TEX11: variants seen among roughly 807,000 people sequenced by gnomAD.
TEX11 encodes the protein testis-expressed protein 11.
TEX11 carries 7 observed loss-of-function variants against 84.4 expected under a neutral mutation model. That is an observed-to-expected ratio of 0.08 (90% CI 0.05 to 0.16). The LOEUF is 0.16. TEX11 is among the 10% of genes least tolerant of loss of function. The pLI is 1.00. For synonymous variants in TEX11, 264 were observed against 222.8 expected (o/e 1.18, Z -1.64); for missense variants, 551 against 660.5 (o/e 0.83, Z 1.82).
At chrX:70,866,919 C>T (rs1391992241) in intron 4 of TEX11, among the ~76,000 whole-genome samples, 2 of 112,040 alleles carry the variant, frequency 1.8e-5, no homozygotes, top group Non-Finnish European at 3.8e-5. Context: ...CAATATCATA[C>T]TGAATGGGCA....
intron 25 of TEX11, among the ~76,000 whole-genome samples, chrX:70,567,724 T>A (rs919704835): frequency 9.0e-6 from 1 of 111,570 alleles, no homozygotes; most frequent in Non-Finnish European, 1.9e-5. Context: ...TTTGAGTGAG[T>A]TTCTTAATCC....
intron 9 of TEX11, among the ~76,000 whole-genome samples, chrX:70,758,405 A>G (rs949186623): frequency 1.8e-5 from 2 of 112,077 alleles, no homozygotes; most frequent in African/African-American, 6.5e-5. Flanking sequence ...ACAAAAGAAA[A>G]GAAATCACAA....
At chrX:70,873,473 G>A (rs1326850253) in intron 3 of TEX11, among the ~76,000 whole-genome samples, 166 bp from the exon 4 acceptor site, 1 of 111,495 alleles carries the variant, frequency 9.0e-6, no homozygotes, top group Non-Finnish European at 1.9e-5. Context: ...CCCACTGTTA[G>A]AGTAATTATC....
At chrX:70,697,283 C>T (rs1226808212) in intron 13 of TEX11, among the ~76,000 whole-genome samples, 2 of 111,889 alleles carry the variant, frequency 1.8e-5, no homozygotes, top group Admixed American at 9.5e-5. Flanking sequence ...TGTAAGGTAA[C>T]ATACTCACAG....
At chrX:70,565,527 A>G (rs1209268790) in intron 25 of TEX11, among the ~76,000 whole-genome samples, 1 of 111,164 alleles carries the variant, frequency 9.0e-6, no homozygotes, top group Non-Finnish European at 1.9e-5. Context: ...TAGAGTTTTT[A>G]CGGTTTTAGG....
At chrX:70,778,702 C>G (rs1036873340) in intron 9 of TEX11, among the ~76,000 whole-genome samples, 20 of 110,589 alleles carry the variant, frequency 1.8e-4, no homozygotes, top group African/African-American at 6.6e-4. Context: ...TGCTACGATG[C>G]CTAGGCTGGT....
intron 11 of TEX11, among the ~76,000 whole-genome samples, chrX:70,734,180 C>T (rs1173368088): frequency 1.8e-5 from 2 of 110,361 alleles, no homozygotes; most frequent in East Asian, 5.7e-4. Context: ...GGAGGGATAG[C>T]ATTAGGAGAT....
At chrX:70,692,770 T>G in intron 13 of TEX11, among the ~76,000 whole-genome samples, 1 of 111,186 alleles carries the variant, frequency 9.0e-6, no homozygotes, top group Non-Finnish European at 1.9e-5. Flanking sequence ...TGAATAATGC[T>G]GTAATCAACA....
At chrX:70,702,332 T>TACA (rs2090332567) in intron 13 of TEX11, among the ~76,000 whole-genome samples, 1 of 111,994 alleles carries the variant, frequency 8.9e-6, no homozygotes, top group South Asian at 3.7e-4. Context: ...GCACAAAGAT[T>TACA]ACAACTCACT....
At chrX:70,644,485 C>T (rs1220571009) in intron 17 of TEX11, among the ~76,000 whole-genome samples, 84 of 108,453 alleles carry the variant, frequency 7.7e-4, no homozygotes, top group African/African-American at 2.6e-3. Flanking sequence ...ACGTTTATTG[C>T]GGCATTATTC....
chrX:70,774,058 C>G (rs2090987046), intron 9 of TEX11, among the ~76,000 whole-genome samples: 1 of 110,356 alleles, frequency 9.1e-6, no homozygotes, highest in African/African-American at 3.3e-5. Context: ...CACAACAGCA[C>G]TGTTCCAGAC....
At chrX:70,596,969 T>C (rs2089015545) in intron 24 of TEX11, among the ~76,000 whole-genome samples, 1 of 111,524 alleles carries the variant, frequency 9.0e-6, no homozygotes, top group African/African-American at 3.2e-5. Context: ...AAGAGGACTA[T>C]AAGGGAATAC....
At chrX:70,553,865 C>T (rs1404322282) in intron 26 of TEX11, among the ~76,000 whole-genome samples, 1 of 111,644 alleles carries the variant, frequency 9.0e-6, no homozygotes, top group African/African-American at 3.3e-5. Context: ...AGGTAACTAA[C>T]CCTAAGACTT....
At chrX:70,693,718 A>G (rs1258452582) in intron 13 of TEX11, among the ~76,000 whole-genome samples, 2 of 111,871 alleles carry the variant, frequency 1.8e-5, no homozygotes, top group Non-Finnish European at 3.8e-5. Context: ...TGGTGACTAT[A>G]GTTAACAATA....
intron 8 of TEX11, among the ~76,000 whole-genome samples, chrX:70,810,073 C>A (rs1338826934): frequency 9.0e-6 from 1 of 111,699 alleles, no homozygotes; most frequent in Admixed American, 9.5e-5. Flanking sequence ...CAGAGAAATG[C>A]AAATCAAAAC....
intron 9 of TEX11, among the ~76,000 whole-genome samples, chrX:70,746,708 T>C (rs1029643867): frequency 8.9e-6 from 1 of 111,819 alleles, no homozygotes; most frequent in Non-Finnish European, 1.9e-5. Flanking sequence ...GAGATCTTGA[T>C]AGTGAGCAAT....
At chrX:70,696,715 G>A (rs970432427) in intron 13 of TEX11, among the ~76,000 whole-genome samples, 1 of 111,864 alleles carries the variant, frequency 8.9e-6, no homozygotes, top group Non-Finnish European at 1.9e-5. Context: ...GCTGCAGTGA[G>A]CAGAGATCAC....
chrX:70,757,165 G>A (rs1484321582), intron 9 of TEX11, among the ~76,000 whole-genome samples: 1 of 111,926 alleles, frequency 8.9e-6, no homozygotes, highest in Non-Finnish European at 1.9e-5. Context: ...GAAACTGACG[G>A]GGAGAATGGA....
intron 8 of TEX11, among the ~76,000 whole-genome samples, chrX:70,820,115 C>A (rs1424451607): frequency 8.9e-6 from 1 of 112,043 alleles, no homozygotes; most frequent in Non-Finnish European, 1.9e-5. Context: ...CCAAAGAAAT[C>A]TTGCGCAAGA....
Sources: gnomAD v4.1 joint callset for allele counts (sites outside exome capture counted in the v4.1 genomes callset) on GRCh38, gnomAD v4.1.1 for gene constraint, MANE v1.5 for transcripts, NCBI Gene and HGNC (gene_info 2026-07-23, HGNC 2026-07-21) for gene names.